Variants in PDE1C observed in about 807,000 individuals in gnomAD.
PDE1C encodes the protein phosphodiesterase 1C, also known as dual specificity calcium/calmodulin-dependent 3',5'-cyclic nucleotide phosphodiesterase 1C.
PDE1C carries 62 observed loss-of-function variants against 93.1 expected under a neutral mutation model. The ratio of observed to expected loss-of-function variants is 0.67; its 90% CI spans 0.54 to 0.82. PDE1C has a LOEUF of 0.82. Ranked by LOEUF, PDE1C falls within the 40% of genes least tolerant of loss-of-function variation. PDE1C has a pLI of 0.00. For missense variants in PDE1C, 742 were observed against 884.6 expected, an observed-to-expected ratio of 0.84 and a Z score of 2.04; for synonymous variants, 325 against 310.1, an observed-to-expected ratio of 1.05 and a Z score of -0.50.
intron 2 of PDE1C, among the ~76,000 whole-genome samples, chr7:31,966,419 T>A (rs995524449): frequency 6.6e-6 from 1 of 152,180 alleles, no homozygotes; most frequent in Non-Finnish European, 1.5e-5. Context: ...CTATCCTAAA[T>A]ATATATGCAC....
chr7:31,778,486 C>T (rs1783167920), intron 16 of PDE1C, among the ~76,000 whole-genome samples: 1 of 152,152 alleles, frequency 6.6e-6, no homozygotes, highest in African/African-American at 2.4e-5. Flanking sequence ...GAATGTTTAG[C>T]AGTGTCCCTG....
chr7:32,408,830 C>T (rs1241806395), intron 1 of PDE1C, among the ~76,000 whole-genome samples: 1 of 152,022 alleles, frequency 6.6e-6, no homozygotes, highest in Non-Finnish European at 1.5e-5. Context: ...GCATAAAAGA[C>T]TACTCAACTC....
At chr7:32,081,294 A>C (rs993290797) in intron 3 of PDE1C, among the ~76,000 whole-genome samples, 23 of 152,342 alleles carry the variant, frequency 1.5e-4, no homozygotes, top group South Asian at 1.0e-3. Context: ...CATGTTAGAA[A>C]CCATTCTGCC....
chr7:31,737,132 T>A, the PDE1C span, among the ~76,000 whole-genome samples: 4 of 152,000 alleles, frequency 2.6e-5, no homozygotes, highest in African/African-American at 9.7e-5. Context: ...ATTTTATTAC[T>A]TTTTTATTTT....
chr7:31,689,413 C>T, the PDE1C span, among the ~76,000 whole-genome samples: 1 of 152,136 alleles, frequency 6.6e-6, no homozygotes, highest in African/African-American at 2.4e-5. Flanking sequence ...AGAAAGTTCC[C>T]AAGTTACAGG....
At chr7:31,770,139 A>G (rs1010414239) in intron 17 of PDE1C, among the ~76,000 whole-genome samples, 2 of 152,114 alleles carry the variant, frequency 1.3e-5, no homozygotes, top group Non-Finnish European at 1.5e-5. Flanking sequence ...TGTGGTTTTG[A>G]TTTGTATTTC....
At chr7:32,237,768 T>TATATATAC (rs1415805492) in intron 1 of PDE1C, among the ~76,000 whole-genome samples, 1 of 10,742 alleles carries the variant, frequency 9.3e-5, no homozygotes, top group African/African-American at 3.0e-4. Flanking sequence ...ATATACTTTT[T>TATATATAC]TTTTTTTTTT....
chr7:31,885,811 A>G (rs995486572), intron 2 of PDE1C, among the ~76,000 whole-genome samples: 1 of 152,230 alleles, frequency 6.6e-6, no homozygotes, highest in African/African-American at 2.4e-5. Flanking sequence ...TGGACTAGGC[A>G]TTATTCCCCA....
chr7:31,897,454 A>G (rs1456294716), intron 2 of PDE1C, among the ~76,000 whole-genome samples: 1 of 152,226 alleles, frequency 6.6e-6, no homozygotes, highest in Non-Finnish European at 1.5e-5. Flanking sequence ...GAATATTTCA[A>G]TCACTTCTTT....
intron 1 of PDE1C, among the ~76,000 whole-genome samples, chr7:32,377,194 C>T (rs1478229720): frequency 2.6e-5 from 4 of 152,182 alleles, no homozygotes; most frequent in African/African-American, 9.6e-5. Context: ...GAAAGCTGCC[C>T]AGAGGTGGTC....
intron 2 of PDE1C, among the ~76,000 whole-genome samples, chr7:31,931,117 C>A (rs1804183557): frequency 6.6e-6 from 1 of 152,060 alleles, no homozygotes; most frequent in Non-Finnish European, 1.5e-5. Context: ...TATGACAAAG[C>A]CATAGCCGAT....
intron 2 of PDE1C, among the ~76,000 whole-genome samples, chr7:31,963,843 A>G (rs1448374279): frequency 6.6e-6 from 1 of 152,246 alleles, no homozygotes; most frequent in Non-Finnish European, 1.5e-5. Context: ...CCTTGACCTG[A>G]AAGAGTTTTA....
intron 3 of PDE1C, among the ~76,000 whole-genome samples, chr7:32,083,359 T>A (rs1396572431): frequency 6.6e-6 from 1 of 151,524 alleles, no homozygotes; most frequent in Non-Finnish European, 1.5e-5. Context: ...TGTGAAAAGA[T>A]CAAACCTACG....
At chr7:31,716,793 G>A in the PDE1C span, among the ~76,000 whole-genome samples, 2 of 152,214 alleles carry the variant, frequency 1.3e-5, no homozygotes, top group African/African-American at 4.8e-5. Flanking sequence ...AATGCTGAAA[G>A]TGAAACTGAA....
intron 1 of PDE1C, among the ~76,000 whole-genome samples, chr7:32,285,683 GAGAAGAAGAAGAA>G (rs1455955235): frequency 1.3e-5 from 2 of 148,954 alleles, no homozygotes; most frequent in Non-Finnish European, 3.0e-5. Context: ...GGAAGGAAGG[GAGAAGAAGAAGAA>G]AGAAGGAGAG....
At chr7:31,912,832 T>C (rs550945388) in intron 2 of PDE1C, among the ~76,000 whole-genome samples, 2 of 152,006 alleles carry the variant, frequency 1.3e-5, no homozygotes, top group East Asian at 3.9e-4. Context: ...ATTTGGAAAA[T>C]AGATTTTTTT....
chr7:31,900,920 T>G (rs1446046718), intron 2 of PDE1C, among the ~76,000 whole-genome samples: 1 of 151,822 alleles, frequency 6.6e-6, no homozygotes, highest in Non-Finnish European at 1.5e-5. Flanking sequence ...GTCTATATGA[T>G]CTTTTTGACA....
chr7:32,044,543 T>C (rs948917567), intron 2 of PDE1C, among the ~76,000 whole-genome samples: 2 of 151,988 alleles, frequency 1.3e-5, no homozygotes, highest in Admixed American at 6.6e-5. Context: ...GACATAGGTA[T>C]GCAGCATGGA....
the PDE1C span, among the ~76,000 whole-genome samples, chr7:31,709,138 C>T: frequency 2.6e-5 from 4 of 152,190 alleles, no homozygotes; most frequent in African/African-American, 7.2e-5. Flanking sequence ...ACAGAGTACA[C>T]CTGTAGCCAT....
Sources: allele counts gnomAD v4.1 joint callset (sites outside exome capture counted in the v4.1 genomes callset), GRCh38; gene constraint gnomAD v4.1.1; transcripts MANE v1.5; gene names NCBI Gene and HGNC (gene_info 2026-07-23, HGNC 2026-07-21).